The following WARS2 variants were observed in gnomAD, a reference collection of about 807,000 sequenced individuals.
WARS2 encodes the protein tryptophan--tRNA ligase, mitochondrial.
A neutral mutation model predicts 36.5 loss-of-function variants in WARS2; 28 were observed. That is an observed-to-expected ratio of 0.77 (90% confidence interval 0.57 to 1.05). WARS2 has a LOEUF of 1.05. Ranked by LOEUF, WARS2 falls within the 50% of genes least tolerant of loss-of-function variation. The pLI is 0.00. For missense variants in WARS2, 435 were observed against 456.8 expected (o/e 0.95, Z 0.44); for synonymous variants, 174 against 178.4 (o/e 0.98, Z 0.20).
intron 1 of WARS2, chr1:119,085,254 C>T (rs1329232248): frequency 1.1e-5 from 10 of 893,352 alleles, no homozygotes; most frequent in African/African-American, 6.5e-5. Context: ...CTCCCTCTCT[C>T]GGTTCTCTGC....
chr1:119,084,934 A>G lies in WARS2; in HGVS notation c.91-8327T>C. On this transcript the variant is annotated intron_variant, in intron 1 of 5. Coordinates refer to ENST00000235521, the MANE Select transcript of WARS2 (RefSeq NM_015836.4). Reference sequence around the variant, plus strand: ...TAGATACAAAAATAGTAACAATCCAACTGAATTTGACTGCATTTAAAAAAC... The same window carrying G: ...TAGATACAAAAATAGTAACAATCCAGCTGAATTTGACTGCATTTAAAAAAC... 3 of 372,450 alleles carry G rather than the reference A, an allele frequency of 8.1e-6. No homozygotes were observed. In the South Asian group the frequency reaches 9.7e-5, roughly 12 times the overall value. The allele number at this position is 372,450 out of a possible 1,614,324, so 23.1% of individuals were successfully genotyped here. A position where few individuals can be genotyped will look rare whatever the true frequency, so the allele number is the denominator to read the frequency against.
At chr1:119,134,402 C>T (rs1656348058) in intron 1 of WARS2, among the ~76,000 whole-genome samples, 1 of 145,814 alleles carries the variant, frequency 6.9e-6, no homozygotes, top group South Asian at 2.2e-4. Context: ...TTAGAACTTT[C>T]TCAATTAGAA....
intron 1 of WARS2, among the ~76,000 whole-genome samples, chr1:119,106,511 A>G (rs1360099725): frequency 6.6e-6 from 1 of 152,168 alleles, no homozygotes; most frequent in Non-Finnish European, 1.5e-5. Flanking sequence ...TAGGCTTTTT[A>G]CTGTCCCCAT....
intron 4 of WARS2, among the ~76,000 whole-genome samples, chr1:119,037,188 C>T (rs1489145877): frequency 1.3e-5 from 2 of 152,102 alleles, no homozygotes; most frequent in African/African-American, 4.8e-5. Context: ...TTAGACACAA[C>T]ATAAAACAAA....
At chr1:119,127,413 A>T in intron 1 of WARS2, 1 of 381,974 alleles carries the variant, frequency 2.6e-6, no homozygotes, top group South Asian at 2.8e-5. Flanking sequence ...AGTAAGCAGT[A>T]GAGCTTACTA....
chr1:119,033,234 C>T lies in WARS2; in HGVS notation c.760G>A (p.Ala254Thr). 8 of 1,614,268 alleles carry T rather than the reference C, an allele frequency of 5.0e-6. No individual in the cohort carries two copies. Among genetic ancestry groups the T allele is most frequent in the Non-Finnish European group, 6.8e-6 (8 of 1,180,048 alleles). Residue 254 changes from alanine to threonine, a missense_variant, in exon 6 of 6, where the codon GCT becomes ACT. Ala to Thr is a moderately conservative substitution (Grantham distance 58). Coordinates refer to ENST00000235521, the MANE Select transcript of WARS2 (RefSeq NM_015836.4). ...PEEIVQKFRK[A>T]VTDFTSEVTY... Reference sequence around the variant, plus strand: ...ACCTCCGAGGTGAAGTCTGTCACAGCCTTGCGGAATTTCTGCACTATCTCC... The same window carrying T: ...ACCTCCGAGGTGAAGTCTGTCACAGTCTTGCGGAATTTCTGCACTATCTCC...
chr1:119,039,798 A>G (rs139928655), intron 4 of WARS2, among the ~76,000 whole-genome samples: 1 of 152,310 alleles, frequency 6.6e-6, no homozygotes, highest in East Asian at 1.9e-4. Flanking sequence ...TGATTTTGAC[A>G]AAAGGAAACA....
chr1:119,066,477 C>CAAAAAAAAA (rs34709639), intron 2 of WARS2, among the ~76,000 whole-genome samples: 1 of 46,480 alleles, frequency 2.2e-5, no homozygotes, highest in African/African-American at 7.8e-5. Flanking sequence ...GGCTCTGTCT[C>CAAAAAAAAA]AAAAAAAAAA....
intron 1 of WARS2, among the ~76,000 whole-genome samples, chr1:119,133,278 T>C (rs1016252136): frequency 4.6e-5 from 7 of 152,226 alleles, no homozygotes; most frequent in African/African-American, 1.7e-4. Flanking sequence ...ACTGTAAGAA[T>C]AGCAACAACA....
chr1:119,032,845 A>G lies in WARS2; in HGVS notation c.*66T>C, dbSNP rs1156680643. 2 of 1,441,012 alleles carry G rather than the reference A, an allele frequency of 1.4e-6. No homozygotes were observed. Among genetic ancestry groups the G allele is most frequent in the South Asian group, 1.4e-5 (1 of 74,072 alleles). The allele number at this position is 1,441,012 out of a possible 1,614,324, so 89.3% of individuals were successfully genotyped here. A position where few individuals can be genotyped will look rare whatever the true frequency, so the allele number is the denominator to read the frequency against. The stretch of plus-strand genomic sequence containing the variant: ...AACTATAACTTTTTCTTTTTAGGAA[A>G]GCTGCCGTTATCAGAATGCATGGAG... On this transcript the variant is annotated 3_prime_UTR_variant, in exon 6 of 6. Transcript: ENST00000235521.
intron 1 of WARS2, chr1:119,127,200 T>C: frequency 6.9e-6 from 5 of 727,974 alleles, no homozygotes; most frequent in South Asian, 6.8e-5. Context: ...TTTCACATCA[T>C]ACCAATCCTT....
intron 1 of WARS2, among the ~76,000 whole-genome samples, chr1:119,132,771 T>G (rs757772127): frequency 6.6e-6 from 1 of 152,192 alleles, no homozygotes; most frequent in Non-Finnish European, 1.5e-5. Context: ...TGTTCAATAT[T>G]GCTAATTTTA....
At chr1:119,135,252 C>T (rs587707910) in intron 1 of WARS2, among the ~76,000 whole-genome samples, 2 of 152,300 alleles carry the variant, frequency 1.3e-5, no homozygotes, top group African/African-American at 4.8e-5. Flanking sequence ...CAAACTACAT[C>T]TTAAGAAATC....
chr1:119,055,871 GAAAC>G (rs1336306035), intron 2 of WARS2, among the ~76,000 whole-genome samples: 1 of 151,978 alleles, frequency 6.6e-6, no homozygotes, highest in Non-Finnish European at 1.5e-5. Context: ...GTTGATAAAA[GAAAC>G]AAACTATCAG....
intron 2 of WARS2, among the ~76,000 whole-genome samples, chr1:119,073,872 T>C (rs992366464): frequency 3.3e-5 from 5 of 152,206 alleles, no homozygotes. Flanking sequence ...AATTATACTA[T>C]GGTAATCATT....
intron 2 of WARS2, among the ~76,000 whole-genome samples, chr1:119,046,254 CCT>C (rs533694382): frequency 6.5e-4 from 97 of 148,654 alleles, no homozygotes; most frequent in African/African-American, 2.4e-3. Flanking sequence ...TCCTCTCCCT[CCT>C]CTTTTTCATC....
intron 5 of WARS2, 67 bp downstream of exon 5, chr1:119,034,028 C>G: frequency 7.0e-7 from 1 of 1,418,606 alleles, no homozygotes; most frequent in Admixed American, 1.7e-5. Context: ...AAGTTCCAAG[C>G]CTATCTATTG....
intron 2 of WARS2, among the ~76,000 whole-genome samples, chr1:119,057,607 T>C (rs1649943342): frequency 6.6e-6 from 1 of 150,926 alleles, no homozygotes; most frequent in South Asian, 2.1e-4. Flanking sequence ...CTGGCCAATG[T>C]GGTGAAACCC....
chr1:119,073,197 A>G (rs1475490364), intron 2 of WARS2, among the ~76,000 whole-genome samples: 2 of 152,052 alleles, frequency 1.3e-5, no homozygotes, highest in African/African-American at 2.4e-5. Context: ...CATCAGTGAG[A>G]CAAATAATGA....
Sources: gnomAD v4.1 joint callset for allele counts (sites outside exome capture counted in the v4.1 genomes callset) on GRCh38, gnomAD v4.1.1 for gene constraint, MANE v1.5 for transcripts, NCBI Gene and HGNC (gene_info 2026-07-23, HGNC 2026-07-21) for gene names.